The following SLC1A3 variants were observed in gnomAD, a reference collection of about 807,000 sequenced individuals.
SLC1A3 encodes excitatory amino acid transporter 1.
Under a neutral mutation model 48.1 loss-of-function variants are expected in SLC1A3, and 21 were observed. The observed-to-expected ratio is 0.44, with a 90% CI of 0.31 to 0.63. SLC1A3 has a LOEUF of 0.63. Ranked by LOEUF, SLC1A3 falls within the 20% of genes least tolerant of loss-of-function variation. The pLI is 0.08. For missense variants in SLC1A3, 546 were observed against 689.0 expected (o/e 0.79, Z 2.32); for synonymous variants, 239 against 251.4 (o/e 0.95, Z 0.47).
chr5:36,653,729 G>GCAAAC (rs1741177980), intron 3 of SLC1A3, among the ~76,000 whole-genome samples: 1 of 152,234 alleles, frequency 6.6e-6, no homozygotes, highest in African/African-American at 2.4e-5. Context: ...AGCTTTGAGA[G>GCAAAC]CAAACACTAG....
chr5:36,682,708 C>T (rs1206613562), intron 8 of SLC1A3, among the ~76,000 whole-genome samples: 1 of 152,138 alleles, frequency 6.6e-6, no homozygotes. Context: ...GACTCACCAC[C>T]CCCAGATTTT....
intron 3 of SLC1A3, chr5:36,668,973 G>C (rs1741877371): frequency 6.6e-6 from 1 of 152,242 alleles, no homozygotes; most frequent in East Asian, 1.9e-4. Flanking sequence ...TAGTGGGCAG[G>C]AGCATCAGAG....
intron 1 of SLC1A3, among the ~76,000 whole-genome samples, chr5:36,607,997 G>A (rs540912038): frequency 1.3e-5 from 2 of 152,150 alleles, no homozygotes; most frequent in East Asian, 1.9e-4. Context: ...GATTGTGTAC[G>A]TTGTGCAAGG....
At chr5:36,626,218 G>A (rs1278563879) in intron 2 of SLC1A3, among the ~76,000 whole-genome samples, 1 of 152,140 alleles carries the variant, frequency 6.6e-6, no homozygotes, top group Admixed American at 6.5e-5. Context: ...AGTTAGTGTA[G>A]GCTCAGATGA....
intron 3 of SLC1A3, chr5:36,630,535 C>T (rs1740096213): frequency 6.6e-6 from 1 of 152,248 alleles, no homozygotes; most frequent in African/African-American, 2.4e-5. Context: ...CCACCCTTGG[C>T]TCACTGTTCC....
intron 3 of SLC1A3, among the ~76,000 whole-genome samples, chr5:36,662,829 A>G (rs1741571831): frequency 6.6e-6 from 1 of 152,198 alleles, no homozygotes; most frequent in African/African-American, 2.4e-5. Context: ...ATGAGAGTCA[A>G]TTGAATGGTC....
upstream of SLC1A3, among the ~76,000 whole-genome samples, chr5:36,604,905 G>T (rs1242267083): frequency 1.2e-4 from 6 of 50,996 alleles, no homozygotes; most frequent in Admixed American, 6.2e-4. Flanking sequence ...AAAAAAAGCG[G>T]TGGGGGGGGG....
intron 3 of SLC1A3, among the ~76,000 whole-genome samples, chr5:36,659,539 T>C (rs1042629762): frequency 4.6e-5 from 7 of 152,216 alleles, no homozygotes. Flanking sequence ...AGGGATTACA[T>C]ACCTTGACCA....
intron 1 of SLC1A3, 42 bp from the exon 2 acceptor site, chr5:36,608,287 C>G: frequency 1.3e-6 from 1 of 746,908 alleles, no homozygotes; most frequent in Non-Finnish European, 2.2e-6. Context: ...GATTTCTCAC[C>G]CCTGGAGGCT....
chr5:36,659,988 G>T (rs1424260605), intron 3 of SLC1A3, among the ~76,000 whole-genome samples: 1 of 152,062 alleles, frequency 6.6e-6, no homozygotes, highest in Non-Finnish European at 1.5e-5. Context: ...TCATTGTTTT[G>T]TACCTGGCTT....
intron 2 of SLC1A3, among the ~76,000 whole-genome samples, chr5:36,611,022 A>C (rs1739170352): frequency 6.6e-6 from 1 of 152,208 alleles, no homozygotes; most frequent in African/African-American, 2.4e-5. Flanking sequence ...GTTATCTGTT[A>C]GTGTGTCTTC....
At chr5:36,651,209 C>T (rs1035274849) in intron 3 of SLC1A3, among the ~76,000 whole-genome samples, 4 of 150,382 alleles carry the variant, frequency 2.7e-5, no homozygotes, top group Non-Finnish European at 5.9e-5. Context: ...CTTGGCCCCT[C>T]CTTGGGTTCC....
At chr5:36,632,182 G>A (rs1740159909) in intron 3 of SLC1A3, among the ~76,000 whole-genome samples, 1 of 152,228 alleles carries the variant, frequency 6.6e-6, no homozygotes, top group Non-Finnish European at 1.5e-5. Context: ...CAGGCAAAGA[G>A]ACTATTGAGA....
chr5:36,600,331 C>T (rs1477408519), intron 1 of SLC1A3, among the ~76,000 whole-genome samples: 1 of 152,116 alleles, frequency 6.6e-6, no homozygotes, highest in Non-Finnish European at 1.5e-5. Flanking sequence ...AAACCCAGAC[C>T]TCACCTCACT....
chr5:36,645,319 CTTTTTT>C (rs68027582), intron 3 of SLC1A3, among the ~76,000 whole-genome samples: 3 of 84,272 alleles, frequency 3.6e-5, no homozygotes, highest in African/African-American at 8.5e-5. Flanking sequence ...CTTCCGCTGC[CTTTTTT>C]TTTTTTTTTT....
chr5:36,608,797 C>CATTA (rs1187378829), intron 2 of SLC1A3, 193 bp downstream of exon 2: 1 of 1,365,884 alleles, frequency 7.3e-7, no homozygotes, highest in African/African-American at 1.5e-5. Flanking sequence ...GTAAACACAT[C>CATTA]ATTAGGCATC....
chr5:36,652,314 G>A (rs577271803), intron 3 of SLC1A3, among the ~76,000 whole-genome samples: 106 of 127,678 alleles, frequency 8.3e-4, no homozygotes, highest in African/African-American at 2.3e-3. Context: ...TGGCGTGAGC[G>A]CACACACACA....
intron 5 of SLC1A3, among the ~76,000 whole-genome samples, chr5:36,676,690 G>T (rs898234067): frequency 6.6e-6 from 1 of 151,942 alleles, no homozygotes; most frequent in Non-Finnish European, 1.5e-5. Flanking sequence ...ATGTATTTCA[G>T]TATGTGTTTC....
upstream of SLC1A3, among the ~76,000 whole-genome samples, chr5:36,604,223 T>C (rs1428972): frequency 0.26 from 39,280 of 152,068 alleles, 7,279 homozygotes; most frequent in African/African-American, 0.52. Flanking sequence ...AATACTAACA[T>C]TAATATGATC....
Sources: allele counts gnomAD v4.1 joint callset (sites outside exome capture counted in the v4.1 genomes callset), GRCh38; gene constraint gnomAD v4.1.1; transcripts MANE v1.5; gene names NCBI Gene and HGNC (gene_info 2026-07-23, HGNC 2026-07-21).